The following LIX1L variants were observed in gnomAD, a reference collection of about 807,000 sequenced individuals.
LIX1L encodes limb and CNS expressed 1 like.
Under a neutral mutation model 34.0 loss-of-function variants are expected in LIX1L, and 20 were observed. That is an observed-to-expected ratio of 0.59 (90% CI 0.41 to 0.85). The LOEUF (loss-of-function observed/expected upper bound fraction) is 0.85. Ranked by LOEUF, LIX1L falls within the 40% of genes least tolerant of loss-of-function variation. The pLI, the probability that LIX1L is intolerant of heterozygous loss-of-function variation, is 0.00. For missense variants in LIX1L, 397 were observed against 447.0 expected, an observed-to-expected ratio of 0.89 and a Z score of 1.01; for synonymous variants, 170 against 187.4, an observed-to-expected ratio of 0.91 and a Z score of 0.76.
intron 3 of LIX1L, 140 bp from the exon 4 acceptor site, chr1:145,937,839 G>A: frequency 3.2e-6 from 2 of 627,942 alleles, no homozygotes; most frequent in South Asian, 3.7e-5. Flanking sequence ...TAAAAATAAA[G>A]AGGTAAGTCC....
At chr1:145,951,010 G>A (rs891690440) in intron 1 of LIX1L, among the ~76,000 whole-genome samples, 1 of 152,136 alleles carries the variant, frequency 6.6e-6, no homozygotes, top group Non-Finnish European at 1.5e-5. Flanking sequence ...TCTAAGCATT[G>A]AGCATGAAAA....
intron 1 of LIX1L, among the ~76,000 whole-genome samples, chr1:145,949,394 G>GT (rs1649213098): frequency 6.6e-6 from 1 of 152,168 alleles, no homozygotes; most frequent in Non-Finnish European, 1.5e-5. Flanking sequence ...TGAGAGGACA[G>GT]TGTTCTGTGC....
chr1:145,943,556 G>A (rs1172186216), intron 2 of LIX1L, among the ~76,000 whole-genome samples: 1 of 152,134 alleles, frequency 6.6e-6, no homozygotes, highest in African/African-American at 2.4e-5. Flanking sequence ...TTTTTATATT[G>A]TATCCAACAT....
chr1:145,936,993 A>G lies in LIX1L; in HGVS notation c.694-8T>C, dbSNP rs1559237393. The G allele has an allele frequency of 4.4e-6, 7 of 1,599,520 alleles. No individual in the cohort carries two copies. The highest frequency in any genetic ancestry group is 6.0e-6 in the Non-Finnish European group (7 of 1,166,870). ...AAAAACTGTCATTAGCTCCTGGGGG[A>G]AGAGGATAGGAAGTACCAGGACAGT... is the stretch of plus-strand genomic sequence containing the variant. On this transcript the variant is annotated splice_polypyrimidine_tract_variant and splice_region_variant and intron_variant, in intron 4 of 5. Transcript: ENST00000604000.
intron 1 of LIX1L, among the ~76,000 whole-genome samples, 188 bp from the exon 2 acceptor site, chr1:145,947,970 C>G (rs1489318719): frequency 6.6e-6 from 1 of 152,156 alleles, no homozygotes; most frequent in African/African-American, 2.4e-5. Flanking sequence ...CCTAGAAAGA[C>G]CAGAGTAGGC....
chr1:145,942,197 C>G (rs1172789454), intron 3 of LIX1L: 1 of 153,214 alleles, frequency 6.5e-6, no homozygotes, highest in Non-Finnish European at 1.5e-5. Context: ...TATGGTTATT[C>G]TTATCATCAT....
chr1:145,957,874 C>T lies in LIX1L; in HGVS notation c.54G>A (p.Arg18=). 1 of 1,476,340 alleles carries T rather than the reference C, an allele frequency of 6.8e-7. No individual in the cohort carries two copies. Among genetic ancestry groups the T allele is most frequent in the Non-Finnish European group, 9.0e-7 (1 of 1,116,552 alleles). The allele number at this position is 1,476,340 out of a possible 1,614,324, so 91.5% of individuals were successfully genotyped here. Residue 18 remains arginine (R), a synonymous_variant, in exon 1 of 6, where the codon AGG becomes AGA. Coordinates refer to ENST00000604000, the MANE Select transcript of LIX1L (RefSeq NM_153713.3). ...RLQPGVGTSG[R]GTLRALRPGV... is the part of the protein sequence containing the mutation. ...CGGGCCGCAGCGCTCGGAGAGTGCC[C>T]CTCCCGCTGGTGCCCACACCAGGCT...
At chr1:145,945,889 C>T (rs1189581941) in intron 2 of LIX1L, among the ~76,000 whole-genome samples, 2 of 146,670 alleles carry the variant, frequency 1.4e-5, no homozygotes, top group African/African-American at 2.5e-5. Context: ...AGATTGAGAC[C>T]ATCCTGGCTA....
chr1:145,934,976 G>A lies in LIX1L; in HGVS notation c.*1334C>T, dbSNP rs1263145221. On this transcript the variant is annotated 3_prime_UTR_variant, in exon 6 of 6. Transcript: ENST00000604000. Reference sequence around the variant, plus strand: ...TATGTCAGGAGTTCAAGAACAGCCTGGCCAACATGGTGAAACCCTGTCTCT... The same window carrying A: ...TATGTCAGGAGTTCAAGAACAGCCTAGCCAACATGGTGAAACCCTGTCTCT... 2.0e-5 allele frequency: 3 copies of A among 152,042 alleles called. No individual in the cohort carries two copies. The highest frequency in any genetic ancestry group is 4.4e-5 in the Non-Finnish European group (3 of 68,080). 9.4% of individuals were successfully genotyped at this position (152,042 alleles called of 1,614,324 possible). A position where few individuals can be genotyped will look rare whatever the true frequency, so the allele number is the denominator to read the frequency against.
intron 3 of LIX1L, chr1:145,942,166 G>C (rs1357470378): frequency 1.3e-5 from 2 of 152,682 alleles, no homozygotes; most frequent in Admixed American, 1.3e-4. Flanking sequence ...TTACAGGCGT[G>C]AGACACCGCG....
Position 145,957,697 on chromosome 1 carries a change from C to A in LIX1L, c.231G>T (p.Leu77=). 3 of 1,524,082 alleles carry A rather than the reference C, an allele frequency of 2.0e-6. No individual in the cohort carries two copies. Among genetic ancestry groups the A allele is most frequent in the Non-Finnish European group, 2.6e-6 (3 of 1,141,744 alleles). 94.4% of individuals were successfully genotyped at this position (1,524,082 alleles called of 1,614,324 possible). The change falls in exon 1 of 6, where the codon CTG becomes CTT. Residue 77 remains leucine (L), a synonymous_variant. Coordinates refer to ENST00000604000, the MANE Select transcript of LIX1L (RefSeq NM_153713.3). ...PPGAAGSPAV[L]REAVEAVVRS... is the part of the protein sequence containing the mutation. ...TCACCACGGCCTCCACGGCCTCTCG[C>A]AGCACTGCCGGGCTGCCGGCGGCGC...
intron 1 of LIX1L, among the ~76,000 whole-genome samples, chr1:145,950,770 C>G (rs1386128606): frequency 6.6e-6 from 1 of 152,190 alleles, no homozygotes; most frequent in Non-Finnish European, 1.5e-5. Context: ...CCCTGATGTG[C>G]TAGGTCATTG....
chr1:145,954,811 G>A (rs1398276473), intron 1 of LIX1L, among the ~76,000 whole-genome samples: 1 of 152,226 alleles, frequency 6.6e-6, no homozygotes, highest in African/African-American at 2.4e-5. Context: ...GGTGCTGCAT[G>A]CTTTATATTC....
At position 145,946,493 on chromosome 1, in the gene LIX1L, G is replaced by A. The variant is rs145183769; in HGVS notation, c.456+1126C>T. 9.7e-3 allele frequency among the ~76,000 whole-genome samples: 1,480 copies of A among 152,024 alleles called. 25 individuals are homozygous for A. Among genetic ancestry groups the A allele is most frequent in the African/African-American group, 0.034 (1,394 of 41,456 alleles). The stretch of plus-strand genomic sequence containing the variant: ...ATTACAGGTGTGAGTCACTGTGCCC[G>A]GCCTGAAATGACTGAAGTTCTAAGG... On this transcript the variant is annotated intron_variant, in intron 2 of 5. Coordinates refer to ENST00000604000, the MANE Select transcript of LIX1L (RefSeq NM_153713.3).
Position 145,936,175 on chromosome 1 carries a change from G to T in LIX1L, c.*135C>A. 1 of 993,160 alleles carries T rather than the reference G, an allele frequency of 1.0e-6. No homozygotes were observed. Among genetic ancestry groups the T allele is most frequent in the Non-Finnish European group, 1.4e-6 (1 of 702,322 alleles). 61.5% of individuals were successfully genotyped at this position (993,160 alleles called of 1,614,324 possible). A position where few individuals can be genotyped will look rare whatever the true frequency, so the allele number is the denominator to read the frequency against. ...GGATCTCTTAGCAAATAGGAATCTAGGTGTAGAATTTATACACATATATAT... is the reference window on the plus strand; with the variant it reads ...GGATCTCTTAGCAAATAGGAATCTATGTGTAGAATTTATACACATATATAT... On this transcript the variant is annotated 3_prime_UTR_variant, in exon 6 of 6. Transcript: ENST00000604000.
At chr1:145,954,827 CT>C (rs1649414070) in intron 1 of LIX1L, among the ~76,000 whole-genome samples, 1 of 152,180 alleles carries the variant, frequency 6.6e-6, no homozygotes, top group South Asian at 2.1e-4. Flanking sequence ...TATTCGTTGT[CT>C]TATTTAATCC....
At position 145,937,191 on chromosome 1, in the gene LIX1L, T is replaced by C. The variant is rs185200588; in HGVS notation, c.694-206A>G. 5.5e-3 allele frequency among the ~76,000 whole-genome samples: 823 copies of C among 150,936 alleles called. 8 individuals are homozygous for C. The highest frequency in any genetic ancestry group is 0.035 in the South Asian group (165 of 4,728). ...ATTTATTTACTTACTTACTTACTTA[T>C]TTGAGACAGAGTCTTGCTCTGTCAC... On this transcript the variant is annotated intron_variant, in intron 4 of 5. Transcript: ENST00000604000.
At chr1:145,936,654 T>A in intron 5 of LIX1L, 102 bp from the exon 6 acceptor site, 1 of 1,399,104 alleles carries the variant, frequency 7.1e-7, no homozygotes, top group Non-Finnish European at 9.9e-7. Context: ...GAGACCTAAC[T>A]GAGGTCAGCA....
chr1:145,956,784 A>ACTACCCTAGTTAAACGAAAACAG (rs1553760412), intron 1 of LIX1L, among the ~76,000 whole-genome samples: 1 of 152,190 alleles, frequency 6.6e-6, no homozygotes, highest in Non-Finnish European at 1.5e-5. Context: ...CAGACAGGAA[A>ACTACCCTAGTTAAACGAAAACAG]CTACCCTAGT....
Sources: allele counts gnomAD v4.1 joint callset (sites outside exome capture counted in the v4.1 genomes callset), GRCh38; gene constraint gnomAD v4.1.1; transcripts MANE v1.5; gene names NCBI Gene and HGNC (gene_info 2026-07-23, HGNC 2026-07-21).